Variants in CUX1 observed in about 807,000 individuals in gnomAD.
The protein encoded by CUX1 is cut like homeobox 1.
CUX1 carries 31 observed loss-of-function variants against 158.8 expected under a neutral mutation model. That is an observed-to-expected ratio of 0.20 (90% CI 0.15 to 0.26). The LOEUF is 0.26. Among genes scored for constraint, CUX1 ranks in the 10% least tolerant of loss-of-function variants. The pLI is 1.00. For synonymous variants in CUX1, 879 were observed against 862.1 expected, an observed-to-expected ratio of 1.02 and a Z score of -0.34; for missense variants, 1,589 against 2,014.6, an observed-to-expected ratio of 0.79 and a Z score of 4.04.
chr7:101,833,284 C>T (rs1307285676), intron 1 of CUX1, among the ~76,000 whole-genome samples: 1 of 151,066 alleles, frequency 6.6e-6, no homozygotes, highest in Non-Finnish European at 1.5e-5. Context: ...CATGGTGGCT[C>T]ACACCTGTGA....
At chr7:102,031,585 A>G (rs1482070470) in intron 3 of CUX1, among the ~76,000 whole-genome samples, 1 of 152,058 alleles carries the variant, frequency 6.6e-6, no homozygotes, top group Non-Finnish European at 1.5e-5. Flanking sequence ...TAGATTTTGA[A>G]CCCACAAAAG....
intron 3 of CUX1, among the ~76,000 whole-genome samples, chr7:102,045,019 C>T (rs996033872): frequency 1.3e-5 from 2 of 152,092 alleles, no homozygotes; most frequent in Admixed American, 1.3e-4. Flanking sequence ...TGGTGTTAGC[C>T]GTGGTGGTCA....
intron 20 of CUX1, among the ~76,000 whole-genome samples, chr7:102,222,841 A>T (rs1797956391): frequency 8.2e-5 from 1 of 12,124 alleles, no homozygotes; most frequent in Non-Finnish European, 1.4e-4. Context: ...TTTTTTTGAG[A>T]CAGAGTCTCA....
chr7:101,826,571 A>C (rs1243832802), intron 1 of CUX1, among the ~76,000 whole-genome samples: 1 of 152,158 alleles, frequency 6.6e-6, no homozygotes, highest in Admixed American at 6.5e-5. Flanking sequence ...GGAGACTTAA[A>C]ATAGCAGTGG....
At chr7:101,894,121 G>C (rs1021887911) in intron 1 of CUX1, among the ~76,000 whole-genome samples, 4 of 152,170 alleles carry the variant, frequency 2.6e-5, no homozygotes, top group Admixed American at 2.6e-4. Context: ...TCGGGTACCG[G>C]TGTCTGATCA....
chr7:101,977,776 T>A (rs541507053), intron 2 of CUX1, among the ~76,000 whole-genome samples: 8 of 152,084 alleles, frequency 5.3e-5, no homozygotes, highest in Admixed American at 2.0e-4. Flanking sequence ...GCTCAAAAAA[T>A]AATAATAATA....
rs531534153 is a variant in CUX1, at chr7:101,837,150, G to A, written c.30+19481G>A. 5.3e-5 allele frequency among the ~76,000 whole-genome samples: 8 copies of A among 152,260 alleles called. No homozygotes were observed. In the East Asian group the frequency reaches 7.7e-4, roughly 15 times the overall value. On this transcript the variant is annotated intron_variant, in intron 1 of 23. Coordinates refer to ENST00000292535, the MANE Select transcript of CUX1 (RefSeq NM_181552.4). ...TGACATCTTTGAGATGCACTTGTCCGGGGTGCAGGTATATTTGAGAGTGTG... is the reference window on the plus strand; with the variant it reads ...TGACATCTTTGAGATGCACTTGTCCAGGGTGCAGGTATATTTGAGAGTGTG...
At chr7:102,108,134 C>G (rs947081263) in intron 6 of CUX1, among the ~76,000 whole-genome samples, 7 of 152,136 alleles carry the variant, frequency 4.6e-5, no homozygotes, top group Admixed American at 3.3e-4. Flanking sequence ...CGGACCATCC[C>G]TAACTGGGAT....
At chr7:101,886,210 T>C (rs1800210458) in intron 1 of CUX1, among the ~76,000 whole-genome samples, 1 of 152,260 alleles carries the variant, frequency 6.6e-6, no homozygotes, top group South Asian at 2.1e-4. Context: ...TTCTTTTTTT[T>C]TGAGACAGGT....
upstream of CUX1, chr7:101,817,131 C>G (rs981402242): frequency 2.0e-6 from 2 of 984,322 alleles, no homozygotes; most frequent in African/African-American, 3.5e-5. This position sits in a 1 kb window ranked among gnomAD's most constrained non-coding sequence, Gnocchi z 4.1. Context: ...CCGCCGGGTG[C>G]GGGCGCGGGA....
At chr7:102,244,355 C>T (rs1363039682) in intron 23 of CUX1, among the ~76,000 whole-genome samples, 2 of 152,046 alleles carry the variant, frequency 1.3e-5, no homozygotes, top group Non-Finnish European at 2.9e-5. Flanking sequence ...GCTTTATTTC[C>T]TCTTATCCTT....
At chr7:101,861,501 A>T (rs1797453245) in intron 1 of CUX1, among the ~76,000 whole-genome samples, 1 of 151,718 alleles carries the variant, frequency 6.6e-6, no homozygotes, top group Non-Finnish European at 1.5e-5. Context: ...TGCACTGCAG[A>T]TGCTGGGCTG....
chr7:102,070,429 C>T lies in CUX1; in HGVS notation c.268+12C>T, dbSNP rs1452785198. 2 of 1,601,152 alleles carry T rather than the reference C, an allele frequency of 1.2e-6. No individual in the cohort carries two copies. Among genetic ancestry groups the T allele is most frequent in the Non-Finnish European group, 1.7e-6 (2 of 1,174,656 alleles). On this transcript the variant is annotated intron_variant, in intron 4 of 23. Transcript: ENST00000292535. ...GATTGACGTCCCAGGTAAGCCCCGG[C>T]AGTAATGGCCCACCAGTGGGGGGCG...
Position 102,227,451 on chromosome 7 carries a change from A to G in CUX1, c.3215A>G (p.Glu1072Gly). ...SSSESVKSLT[E>G]LVQQPCPPIE... ...AGTGAGTCGGTGAAGAGCCTGACCG[A>G]GCTGGTCCAGCAGCCCTGTCCCCCC... The change falls in exon 21 of 24, where the codon GAG becomes GGG. Residue 1072 changes from glutamate to glycine, a missense_variant. By Grantham distance (98) the Glu-to-Gly change is moderately conservative. This residue lies in a region of CUX1 where 259 missense variants were observed against 373.8 expected (regional missense o/e 0.69). Coordinates refer to ENST00000292535, the MANE Select transcript of CUX1 (RefSeq NM_181552.4). 6.2e-7 allele frequency: 1 copy of G among 1,613,988 alleles called. No homozygotes were observed. Among genetic ancestry groups the G allele is most frequent in the Non-Finnish European group, 8.5e-7 (1 of 1,180,012 alleles).
Position 101,916,847 on chromosome 7 carries a change from C to T in CUX1, c.141+622C>T, listed in dbSNP as rs184889267. Among the ~76,000 whole-genome samples the T allele has an allele frequency of 8.7e-4, 132 of 151,836 alleles. 1 individual carries two copies. Among genetic ancestry groups the T allele is most frequent in the African/African-American group, 3.1e-3 (127 of 41,410 alleles). On this transcript the variant is annotated intron_variant, in intron 2 of 23. Transcript: ENST00000292535. This position sits in a 1 kb window ranked among gnomAD's most constrained non-coding sequence, Gnocchi z 4.4. Reference sequence around the variant, plus strand: ...GGACAGTGTTGAGTTGCTGGGGTGGCGTTTTTCTGCTCGTTTCCTGGCCCC... The same window carrying T: ...GGACAGTGTTGAGTTGCTGGGGTGGTGTTTTTCTGCTCGTTTCCTGGCCCC...
At chr7:101,850,687 G>A (rs912611288) in intron 1 of CUX1, among the ~76,000 whole-genome samples, 2 of 151,910 alleles carry the variant, frequency 1.3e-5, no homozygotes, top group African/African-American at 4.8e-5. Context: ...GCCAGCCCCT[G>A]GTTTTCTAAG....
chr7:101,923,675 G>A (rs749095364), intron 2 of CUX1, among the ~76,000 whole-genome samples: 1 of 152,140 alleles, frequency 6.6e-6, no homozygotes, highest in Non-Finnish European at 1.5e-5. Context: ...CCTGGTCTGC[G>A]GTGCTCACAG....
At position 102,104,126 on chromosome 7, in the gene CUX1, ATCC is replaced by A. The variant is rs561626110; in HGVS notation, c.407-204_407-202del. On this transcript the variant is annotated intron_variant, in intron 5 of 23. Coordinates refer to ENST00000292535, the MANE Select transcript of CUX1 (RefSeq NM_181552.4). ...CTCTTCTTTTCAGCAAAATCCATTG[ATCC>A]TCCTCAGCCTAAACGTTTAAAGTTC... 7.9e-5 allele frequency among the ~76,000 whole-genome samples: 12 copies of A among 152,064 alleles called. No individual in the cohort carries two copies. In the South Asian group the frequency reaches 2.5e-3, roughly 32 times the overall value.
chr7:102,201,628 T>C lies in CUX1; in HGVS notation c.2331T>C (p.Ala777=). ...PSAAPEAGAS[A]LPNPPALKKE... ...CAGCTCCTGAGGCCGGTGCCTCTGC[T>C]CTGCCGAACCCCCCGGCCCTCAAAA... Residue 777 remains alanine (A), a synonymous_variant, in exon 18 of 24, where the codon GCT becomes GCC. Coordinates refer to ENST00000292535, the MANE Select transcript of CUX1 (RefSeq NM_181552.4). The surrounding 1 kb of genome is among the most constrained non-coding windows in gnomAD (Gnocchi z 5.0). 6.2e-7 allele frequency: 1 copy of C among 1,613,704 alleles called. No homozygotes were observed. Among genetic ancestry groups the C allele is most frequent in the Non-Finnish European group, 8.5e-7 (1 of 1,179,904 alleles).
Sources: gnomAD v4.1 joint callset for allele counts (sites outside exome capture counted in the v4.1 genomes callset) on GRCh38, gnomAD v4.1.1 for gene constraint, gnomAD v4.1.1 regional missense constraint, Gnocchi (gnomAD v3.1) non-coding constraint, MANE v1.5 for transcripts, NCBI Gene and HGNC (gene_info 2026-07-23, HGNC 2026-07-21) for gene names.